Variants in MAGI1 observed in about 807,000 individuals in gnomAD.
MAGI1 encodes membrane-associated guanylate kinase, WW and PDZ domain-containing protein 1.
In MAGI1, 58 loss-of-function variants were observed where a neutral mutation model predicts 139.9. The ratio of observed to expected loss-of-function variants is 0.41; its 90% CI spans 0.34 to 0.52. The LOEUF (loss-of-function observed/expected upper bound fraction) is 0.52. Among genes scored for constraint, MAGI1 ranks in the 20% least tolerant of loss-of-function variants. The probability of loss-of-function intolerance (pLI) is 0.12; values close to 1 mark genes in which losing one functional copy is unlikely to be tolerated. For missense variants in MAGI1, 1,874 were observed against 1,901.6 expected, an observed-to-expected ratio of 0.99 and a Z score of 0.27; for synonymous variants, 812 against 737.9, an observed-to-expected ratio of 1.10 and a Z score of -1.63.
intron 2 of MAGI1, among the ~76,000 whole-genome samples, chr3:65,561,101 G>C (rs1042027668): frequency 1.3e-5 from 2 of 152,110 alleles, no homozygotes; most frequent in African/African-American, 2.4e-5. Flanking sequence ...TGTACCTGAG[G>C]TTTTTGTCAA....
chr3:66,015,121 T>C (rs1037294171), intron 1 of MAGI1, among the ~76,000 whole-genome samples: 6 of 148,182 alleles, frequency 4.0e-5, no homozygotes, highest in African/African-American at 1.5e-4. Flanking sequence ...GGCAGGAGGA[T>C]TGCTTGAGCC....
chr3:65,652,476 C>A (rs1009989888), intron 1 of MAGI1, among the ~76,000 whole-genome samples: 9 of 152,184 alleles, frequency 5.9e-5, no homozygotes, highest in Non-Finnish European at 1.3e-4. Flanking sequence ...CAAGACACCA[C>A]ATGCCAGTAC....
intron 1 of MAGI1, among the ~76,000 whole-genome samples, chr3:65,630,120 TACACTTAAAC>T (rs1463446338): frequency 1.3e-5 from 2 of 152,202 alleles, no homozygotes; most frequent in African/African-American, 2.4e-5. Flanking sequence ...ACACTTATAA[TACACTTAAAC>T]ATTTGGGGAG....
At chr3:65,888,733 C>T (rs2060626288) in intron 1 of MAGI1, among the ~76,000 whole-genome samples, 1 of 151,824 alleles carries the variant, frequency 6.6e-6, no homozygotes, top group Non-Finnish European at 1.5e-5. Flanking sequence ...TTTCTCCTTT[C>T]TAAAAAAAAG....
chr3:65,892,615 A>G (rs1355639424), intron 1 of MAGI1, among the ~76,000 whole-genome samples: 1 of 152,202 alleles, frequency 6.6e-6, no homozygotes, highest in Admixed American at 6.5e-5. Context: ...ACATTTATGT[A>G]TTAGGTGTTA....
At chr3:65,412,701 C>A (rs541631572) in intron 12 of MAGI1, among the ~76,000 whole-genome samples, 70 of 152,262 alleles carry the variant, frequency 4.6e-4, no homozygotes, top group African/African-American at 1.6e-3. Flanking sequence ...TTATAGCCAT[C>A]ATTGCTGCAG....
At chr3:65,693,233 C>T (rs1484755993) in intron 1 of MAGI1, among the ~76,000 whole-genome samples, 1 of 152,204 alleles carries the variant, frequency 6.6e-6, no homozygotes, top group Non-Finnish European at 1.5e-5. Context: ...GTGTGAATCA[C>T]TGCGCCTGGC....
chr3:65,819,201 T>G (rs140718771), intron 1 of MAGI1, among the ~76,000 whole-genome samples: 4,341 of 152,192 alleles, frequency 0.029, 107 homozygotes, highest in Middle Eastern at 0.048. Flanking sequence ...GGAGAATCAC[T>G]TGAACCTGGG....
intron 8 of MAGI1, among the ~76,000 whole-genome samples, chr3:65,441,446 T>C (rs747536000): frequency 2.6e-5 from 4 of 152,174 alleles, no homozygotes; most frequent in Admixed American, 6.6e-5. Context: ...CTAATTCTTG[T>C]AGCAATTTCA....
chr3:65,473,690 G>A (rs1287069867), intron 4 of MAGI1, among the ~76,000 whole-genome samples: 1 of 145,286 alleles, frequency 6.9e-6, no homozygotes, highest in African/African-American at 2.5e-5. Context: ...GACAATGCGT[G>A]AAGATGGAAT....
intron 1 of MAGI1, chr3:65,688,517 G>A: frequency 4.6e-6 from 2 of 434,188 alleles, no homozygotes; most frequent in South Asian, 3.9e-5. Flanking sequence ...TGAGGCTTAA[G>A]GTAGGTGCTA....
intron 1 of MAGI1, among the ~76,000 whole-genome samples, chr3:65,671,055 A>C (rs573720703): frequency 6.6e-6 from 1 of 152,184 alleles, no homozygotes; most frequent in Admixed American, 6.6e-5. Context: ...AGAATGTAGA[A>C]TCAGCCATGC....
intron 1 of MAGI1, among the ~76,000 whole-genome samples, chr3:65,956,931 G>A (rs1018700118): frequency 6.6e-6 from 1 of 152,106 alleles, no homozygotes; most frequent in African/African-American, 2.4e-5. Flanking sequence ...GAACCGTGGA[G>A]GGAGAAGCTG....
chr3:66,028,900 C>T (rs2068448004), intron 1 of MAGI1, among the ~76,000 whole-genome samples: 1 of 152,310 alleles, frequency 6.6e-6, no homozygotes, highest in Non-Finnish European at 1.5e-5. Context: ...ATCTCCATCT[C>T]TCAAGAGATT....
At chr3:65,804,676 C>A (rs2040734687) in intron 1 of MAGI1, among the ~76,000 whole-genome samples, 1 of 151,990 alleles carries the variant, frequency 6.6e-6, no homozygotes, top group African/African-American at 2.4e-5. Flanking sequence ...CCAAGTTTTT[C>A]CCAATCAAAT....
chr3:65,798,260 C>T (rs544748905), intron 1 of MAGI1, among the ~76,000 whole-genome samples: 1 of 152,204 alleles, frequency 6.6e-6, no homozygotes, highest in East Asian at 1.9e-4. Flanking sequence ...GCCGAGATCA[C>T]ACCACTGCAC....
chr3:65,776,536 T>C (rs900261345), intron 1 of MAGI1, among the ~76,000 whole-genome samples: 2 of 152,200 alleles, frequency 1.3e-5, no homozygotes, highest in African/African-American at 2.4e-5. Context: ...TAAACTGTAA[T>C]AGAACACATC....
At chr3:65,846,983 A>AAAACAAAAC (rs1553716719) in intron 1 of MAGI1, among the ~76,000 whole-genome samples, 3 of 147,380 alleles carry the variant, frequency 2.0e-5, no homozygotes, top group Non-Finnish European at 4.5e-5. Context: ...TTACAAAAAA[A>AAAACAAAAC]AAAAAAAAAA....
Position 65,359,758 on chromosome 3 carries a change from T to A in MAGI1, c.3634+1441A>T, listed in dbSNP as rs907065800. On this transcript the variant is annotated intron_variant, in intron 22 of 22. Coordinates refer to ENST00000402939, the MANE Select transcript of MAGI1 (RefSeq NM_001033057.2). Reference sequence around the variant, plus strand: ...CTTGGAAAACCATGTATTTAAATGATCTTTATTTTTAGCCCAAAGAACATT... The same window carrying A: ...CTTGGAAAACCATGTATTTAAATGAACTTTATTTTTAGCCCAAAGAACATT... 7 of 985,592 alleles carry A rather than the reference T, an allele frequency of 7.1e-6. No homozygotes were observed. The Admixed American group carries it at 3.1e-4, about 43-fold the overall frequency. The allele number at this position is 985,592 out of a possible 1,614,324, so 61.1% of individuals were successfully genotyped here. A position where few individuals can be genotyped will look rare whatever the true frequency, so the allele number is the denominator to read the frequency against.
Sources: gnomAD v4.1 joint callset for allele counts (sites outside exome capture counted in the v4.1 genomes callset) on GRCh38, gnomAD v4.1.1 for gene constraint, MANE v1.5 for transcripts, NCBI Gene and HGNC (gene_info 2026-07-23, HGNC 2026-07-21) for gene names.